SUGCT: variants seen among roughly 807,000 people sequenced by gnomAD.
SUGCT encodes succinyl-CoA:glutarate CoA-transferase.
SUGCT carries 41 observed loss-of-function variants against 55.0 expected under a neutral mutation model. The ratio of observed to expected loss-of-function variants is 0.74; its 90% CI spans 0.58 to 0.97. The LOEUF is 0.97. Among genes scored for constraint, SUGCT ranks in the 50% least tolerant of loss-of-function variants. SUGCT has a pLI of 0.00. For missense variants in SUGCT, 568 were observed against 547.8 expected (o/e 1.04, Z -0.37); for synonymous variants, 187 against 200.4 (o/e 0.93, Z 0.56).
chr7:40,703,764 G>C (rs1363416756), intron 12 of SUGCT, among the ~76,000 whole-genome samples: 1 of 152,208 alleles, frequency 6.6e-6, no homozygotes, highest in African/African-American at 2.4e-5. Flanking sequence ...TCTTCATGCA[G>C]TGCTTCAAGT....
chr7:40,298,465 A>C (rs534458507), intron 8 of SUGCT, among the ~76,000 whole-genome samples: 1 of 152,130 alleles, frequency 6.6e-6, no homozygotes, highest in African/African-American at 2.4e-5. Context: ...TGTTCTTAGG[A>C]CCTTGGAAGT....
intron 10 of SUGCT, among the ~76,000 whole-genome samples, chr7:40,455,720 T>G (rs1362248414): frequency 6.6e-6 from 1 of 152,256 alleles, no homozygotes; most frequent in East Asian, 1.9e-4. Context: ...CCTTTTCCTT[T>G]ATCTAAAAGC....
intron 9 of SUGCT, among the ~76,000 whole-genome samples, chr7:40,397,654 C>T (rs1442667398): frequency 6.6e-6 from 1 of 151,956 alleles, no homozygotes; most frequent in African/African-American, 2.4e-5. Flanking sequence ...GGGGATTGTA[C>T]CTATGTTTGA....
chr7:40,283,553 C>T (rs1793109959), intron 8 of SUGCT, among the ~76,000 whole-genome samples: 1 of 151,974 alleles, frequency 6.6e-6, no homozygotes, highest in African/African-American at 2.4e-5. Flanking sequence ...ACAAGACATA[C>T]AAGTGGCCAA....
At chr7:40,442,846 A>G (rs937128789) in intron 9 of SUGCT, among the ~76,000 whole-genome samples, 1 of 152,120 alleles carries the variant, frequency 6.6e-6, no homozygotes, top group Non-Finnish European at 1.5e-5. Context: ...TACATTAGGT[A>G]TATCTCCTAA....
intron 12 of SUGCT, among the ~76,000 whole-genome samples, chr7:40,711,307 C>T (rs904677541): frequency 3.3e-5 from 5 of 152,072 alleles, no homozygotes; most frequent in Admixed American, 6.5e-5. Flanking sequence ...GTCAGGAATT[C>T]GAGACCTGCC....
In SUGCT at chr7:40,178,550, G is replaced by GT. The variant is rs34725239; in HGVS notation, c.101-2387dup. On this transcript the variant is annotated intron_variant, in intron 1 of 13. Coordinates refer to ENST00000335693, the MANE Select transcript of SUGCT (RefSeq NM_001193313.2). ...AATTTCTCCCCTCAGAATTTTAAGG[G>GT]TTTTTTTTTTGCTCCAGTTTTTTGT... Among the ~76,000 whole-genome samples the GT allele has an allele frequency of 8.4e-3, 1,238 of 147,934 alleles. 37 individuals carry two copies. In the East Asian group the frequency reaches 0.11, roughly 13 times the overall value.
chr7:40,629,893 G>C (rs1223550526), intron 12 of SUGCT, among the ~76,000 whole-genome samples: 1 of 152,162 alleles, frequency 6.6e-6, no homozygotes, highest in Non-Finnish European at 1.5e-5. Flanking sequence ...TTTGTGACCT[G>C]CAGAGTTGCA....
At chr7:40,579,618 A>G (rs1796962524) in intron 12 of SUGCT, among the ~76,000 whole-genome samples, 1 of 152,220 alleles carries the variant, frequency 6.6e-6, no homozygotes, top group Non-Finnish European at 1.5e-5. Context: ...ACAGACATAA[A>G]TGGTGTGGGG....
At chr7:40,967,713 C>T in the SUGCT span, among the ~76,000 whole-genome samples, 4 of 152,130 alleles carry the variant, frequency 2.6e-5, no homozygotes, top group Admixed American at 1.3e-4. Context: ...CTCCGCCTCC[C>T]GGGTTCACGC....
At chr7:41,025,112 T>C in the SUGCT span, among the ~76,000 whole-genome samples, 1 of 152,202 alleles carries the variant, frequency 6.6e-6, no homozygotes, top group Non-Finnish European at 1.5e-5. Context: ...TAGTTACTTA[T>C]GCATCAAAGT....
intron 12 of SUGCT, among the ~76,000 whole-genome samples, chr7:40,664,796 C>T (rs1354191134): frequency 6.6e-6 from 1 of 151,300 alleles, no homozygotes; most frequent in Non-Finnish European, 1.5e-5. Flanking sequence ...CTGGCTAACA[C>T]GGTGAAACCC....
intron 12 of SUGCT, among the ~76,000 whole-genome samples, chr7:40,625,112 A>G (rs1036086685): frequency 1.5e-4 from 23 of 152,056 alleles, no homozygotes; most frequent in Admixed American, 1.4e-3. Context: ...TTCCAATGCC[A>G]TCCCCCAGAT....
At chr7:40,555,194 A>G (rs1329553698) in intron 12 of SUGCT, among the ~76,000 whole-genome samples, 1 of 151,856 alleles carries the variant, frequency 6.6e-6, no homozygotes, top group Non-Finnish European at 1.5e-5. Flanking sequence ...TCCCAAAGGA[A>G]ATGGAAGATC....
intron 9 of SUGCT, among the ~76,000 whole-genome samples, chr7:40,354,126 G>T (rs1797775221): frequency 6.6e-6 from 1 of 152,102 alleles, no homozygotes; most frequent in African/African-American, 2.4e-5. Flanking sequence ...TTTTCACACT[G>T]TGTAAGGTGG....
chr7:41,038,453 T>C, the SUGCT span, among the ~76,000 whole-genome samples: 2 of 152,376 alleles, frequency 1.3e-5, no homozygotes, highest in Admixed American at 6.5e-5. Flanking sequence ...GGCCTGTTTT[T>C]ACGTGGGACG....
chr7:40,840,561 AC>A (rs1793225937), intron 13 of SUGCT, among the ~76,000 whole-genome samples: 1 of 152,128 alleles, frequency 6.6e-6, no homozygotes. Flanking sequence ...TTAAAGCAGT[AC>A]TGTGAGGAAA....
In SUGCT at chr7:40,680,172, CTAAA is replaced by C. The variant is rs200249015; in HGVS notation, c.1090-69255_1090-69252del. Among the ~76,000 whole-genome samples, 6 of 152,170 alleles carry C rather than the reference CTAAA, an allele frequency of 3.9e-5. No homozygotes were observed. The East Asian group carries it at 1.2e-3, about 29-fold the overall frequency. ...AGGAAGGATTTACTATCAGAATCAC[CTAAA>C]TAAATAGAGCTTGTTTTTAACTTTT... On this transcript the variant is annotated intron_variant, in intron 12 of 13. Coordinates refer to ENST00000335693, the MANE Select transcript of SUGCT (RefSeq NM_001193313.2).
At chr7:40,292,528 G>T (rs1793853241) in intron 8 of SUGCT, among the ~76,000 whole-genome samples, 1 of 152,130 alleles carries the variant, frequency 6.6e-6, no homozygotes. Context: ...ATGAAATGAT[G>T]ATTTCCTTTC....
Sources: allele counts gnomAD v4.1 joint callset (sites outside exome capture counted in the v4.1 genomes callset), GRCh38; gene constraint gnomAD v4.1.1; transcripts MANE v1.5; gene names NCBI Gene and HGNC (gene_info 2026-07-23, HGNC 2026-07-21).